RAC1: variants seen among roughly 807,000 people sequenced by gnomAD.
The protein encoded by RAC1 is Rac family small GTPase 1.
A neutral mutation model predicts 25.2 loss-of-function variants in RAC1; 2 were observed. That is an observed-to-expected ratio of 0.08 (90% CI 0.03 to 0.25). The LOEUF (loss-of-function observed/expected upper bound fraction) is 0.25, where lower values mean the gene tolerates loss of function less well. Among genes scored for constraint, RAC1 ranks in the 10% least tolerant of loss-of-function variants. The pLI is 1.00. For synonymous variants in RAC1, 88 were observed against 94.0 expected, an observed-to-expected ratio of 0.94 and a Z score of 0.37; for missense variants, 50 against 235.7, an observed-to-expected ratio of 0.21 and a Z score of 5.16.
chr7:6,379,224 C>T (rs972574514), intron 1 of RAC1, among the ~76,000 whole-genome samples: 1 of 151,218 alleles, frequency 6.6e-6, no homozygotes, highest in Admixed American at 6.6e-5. Flanking sequence ...GCGTCAGCCT[C>T]CCAAGTAGCT....
chr7:6,400,035 A>T, intron 3 of RAC1, 91 bp from the exon 4 acceptor site: 1 of 1,172,606 alleles, frequency 8.5e-7, no homozygotes, highest in Non-Finnish European at 1.3e-6. Context: ...TCTGCGTCCA[A>T]CAAGTCCTTC....
At chr7:6,394,460 A>G (rs1230082050) in intron 3 of RAC1, among the ~76,000 whole-genome samples, 1 of 151,944 alleles carries the variant, frequency 6.6e-6, no homozygotes, top group Non-Finnish European at 1.5e-5. Context: ...CCTTGTGTAG[A>G]TCACCTGTAT....
intron 3 of RAC1, among the ~76,000 whole-genome samples, chr7:6,394,538 C>T (rs557466938): frequency 6.6e-5 from 10 of 152,086 alleles, no homozygotes; most frequent in Non-Finnish European, 8.8e-5. Flanking sequence ...AGTGTCACAG[C>T]GAGTCCTGAG....
chr7:6,385,470 G>A (rs1231366672), intron 1 of RAC1, among the ~76,000 whole-genome samples: 1 of 152,114 alleles, frequency 6.6e-6, no homozygotes, highest in African/African-American at 2.4e-5. Context: ...TCTCAAATCT[G>A]GGCTTCTGAC....
At chr7:6,385,994 T>C (rs1782911979) in intron 1 of RAC1, among the ~76,000 whole-genome samples, 1 of 152,212 alleles carries the variant, frequency 6.6e-6, no homozygotes, top group Non-Finnish European at 1.5e-5. Flanking sequence ...GCTAATGATG[T>C]GGTGACCTTA....
At chr7:6,391,626 G>A (rs922694906) in intron 2 of RAC1, 2 of 364,812 alleles carry the variant, frequency 5.5e-6, no homozygotes, top group Admixed American at 8.7e-5. Context: ...TTCTTCTGGG[G>A]ATAAAAGTCT....
chr7:6,401,688 A>G, intron 4 of RAC1, 180 bp from the exon 5 acceptor site: 2 of 542,078 alleles, frequency 3.7e-6, no homozygotes, highest in Non-Finnish European at 6.5e-6. Context: ...CTAATGGAAC[A>G]CCTGAGATGT....
intron 2 of RAC1, among the ~76,000 whole-genome samples, chr7:6,389,227 T>A (rs1471879640): frequency 6.6e-6 from 1 of 151,176 alleles, no homozygotes; most frequent in Non-Finnish European, 1.5e-5. Flanking sequence ...AATTAAAAAA[T>A]TATTTTTTGG....
intron 3 of RAC1, among the ~76,000 whole-genome samples, chr7:6,399,126 T>C (rs1156490088): frequency 6.6e-6 from 1 of 152,164 alleles, no homozygotes; most frequent in Non-Finnish European, 1.5e-5. Flanking sequence ...GGCTGTGCAG[T>C]GCTGCTGAGC....
At chr7:6,379,056 A>T (rs1268082436) in intron 1 of RAC1, among the ~76,000 whole-genome samples, 1 of 152,082 alleles carries the variant, frequency 6.6e-6, no homozygotes, top group African/African-American at 2.4e-5. Context: ...GTGCCACTGC[A>T]CTCCAGCCTG....
chr7:6,384,202 C>G (rs560071010), intron 1 of RAC1, among the ~76,000 whole-genome samples: 88 of 152,218 alleles, frequency 5.8e-4, no homozygotes, highest in Non-Finnish European at 1.1e-3. Context: ...CCTCCAAGTT[C>G]AAGCAGTCCA....
intron 3 of RAC1, among the ~76,000 whole-genome samples, chr7:6,399,104 C>G (rs1405800811): frequency 6.6e-6 from 1 of 152,144 alleles, no homozygotes; most frequent in African/African-American, 2.4e-5. Context: ...TGTGGTGGGG[C>G]TGTCTGGGCG....
chr7:6,400,898 C>T (rs1194514578), intron 4 of RAC1, among the ~76,000 whole-genome samples: 3 of 152,146 alleles, frequency 2.0e-5, no homozygotes, highest in Admixed American at 2.0e-4. Context: ...TGGTCTCGAA[C>T]TCCCGACCTC....
intron 2 of RAC1, among the ~76,000 whole-genome samples, 190 bp from the exon 3 acceptor site, chr7:6,391,734 G>T (rs1441934586): frequency 6.6e-6 from 1 of 152,086 alleles, no homozygotes; most frequent in African/African-American, 2.4e-5. Flanking sequence ...TAAGTTTTGG[G>T]TTGGGTTTGG....
chr7:6,391,212 T>A (rs1783082741), intron 2 of RAC1, among the ~76,000 whole-genome samples: 1 of 151,488 alleles, frequency 6.6e-6, no homozygotes, highest in Admixed American at 6.6e-5. Flanking sequence ...CTTTTTATTA[T>A]ATTTTTCCTT....
chr7:6,378,983 G>T (rs751602004), intron 1 of RAC1, among the ~76,000 whole-genome samples: 209 of 152,030 alleles, frequency 1.4e-3, no homozygotes, highest in Non-Finnish European at 4.1e-4. Context: ...CTAGCTACTC[G>T]GGAGGCTGAG....
intron 3 of RAC1, 148 bp from the exon 4 acceptor site, chr7:6,399,978 G>T (rs1783349705): frequency 1.5e-6 from 1 of 688,486 alleles, no homozygotes; most frequent in Non-Finnish European, 2.6e-6. Context: ...CTGACAAACT[G>T]AAAGGGTGGA....
chr7:6,381,906 T>TTA (rs1562462207), intron 1 of RAC1, among the ~76,000 whole-genome samples: 1 of 152,078 alleles, frequency 6.6e-6, no homozygotes, highest in Non-Finnish European at 1.5e-5. Flanking sequence ...TCGAGGACCT[T>TTA]CATGCGAGGT....
At chr7:6,375,313 C>G (rs1355118148) in intron 1 of RAC1, among the ~76,000 whole-genome samples, 3 of 151,912 alleles carry the variant, frequency 2.0e-5, no homozygotes, top group Non-Finnish European at 2.9e-5. Context: ...CGGTCTCGAA[C>G]TCCTGGGTTC....
Sources: gnomAD v4.1 joint callset for allele counts (sites outside exome capture counted in the v4.1 genomes callset) on GRCh38, gnomAD v4.1.1 for gene constraint, MANE v1.5 for transcripts, NCBI Gene and HGNC (gene_info 2026-07-23, HGNC 2026-07-21) for gene names.